Variants in GRIK4 observed in about 807,000 individuals in gnomAD.
The protein encoded by GRIK4 is glutamate ionotropic receptor kainate type subunit 4, also known as glutamate receptor ionotropic, kainate 4.
In GRIK4, 40 loss-of-function variants were observed where a neutral mutation model predicts 104.9. The ratio of observed to expected loss-of-function variants is 0.38; its 90% CI spans 0.30 to 0.50. The LOEUF is 0.50. GRIK4 is among the 20% of genes least tolerant of loss of function. The pLI is 0.93. For missense variants in GRIK4, 1,047 were observed against 1,308.1 expected (o/e 0.80, Z 3.08); for synonymous variants, 485 against 524.9 (o/e 0.92, Z 1.04).
chr11:120,896,014 T>A (rs7109441), intron 11 of GRIK4, among the ~76,000 whole-genome samples: 8,793 of 152,198 alleles, frequency 0.058, 845 homozygotes, highest in African/African-American at 0.2. Context: ...CCTTCCGCCC[T>A]AGCCTCACCA....
chr11:120,546,007 C>T (rs1181397374), intron 1 of GRIK4, among the ~76,000 whole-genome samples: 1 of 152,124 alleles, frequency 6.6e-6, no homozygotes, highest in Non-Finnish European at 1.5e-5. Context: ...TGGTGCCCCT[C>T]GGTGTGGCTG....
chr11:120,649,271 T>C (rs1243379445), intron 1 of GRIK4, among the ~76,000 whole-genome samples: 1 of 151,744 alleles, frequency 6.6e-6, no homozygotes, highest in East Asian at 1.9e-4. Context: ...CATCCAGAGA[T>C]AGCTCCTTTC....
chr11:120,621,806 C>T (rs1254153101), intron 1 of GRIK4, among the ~76,000 whole-genome samples: 4 of 152,140 alleles, frequency 2.6e-5, no homozygotes, highest in South Asian at 2.1e-4. Flanking sequence ...TCAGCTGCAG[C>T]GGCAGTACAA....
intron 1 of GRIK4, among the ~76,000 whole-genome samples, chr11:120,574,406 C>T (rs1233857265): frequency 2.0e-5 from 3 of 152,190 alleles, no homozygotes; most frequent in Non-Finnish European, 4.4e-5. Flanking sequence ...CGTATATGGT[C>T]TCTTAAATTC....
chr11:120,534,117 C>T (rs939581690), intron 1 of GRIK4, among the ~76,000 whole-genome samples: 11 of 151,946 alleles, frequency 7.2e-5, no homozygotes, highest in African/African-American at 2.7e-4. Flanking sequence ...AGTGTGGGCC[C>T]AGAAGCACAA....
At chr11:120,543,117 G>A (rs927281432) in intron 1 of GRIK4, among the ~76,000 whole-genome samples, 1 of 152,224 alleles carries the variant, frequency 6.6e-6, no homozygotes, top group Non-Finnish European at 1.5e-5. Context: ...ATGGAAAACA[G>A]TATGGGGTGG....
At chr11:120,588,068 T>TG (rs1948690698) in intron 1 of GRIK4, among the ~76,000 whole-genome samples, 1 of 152,086 alleles carries the variant, frequency 6.6e-6, no homozygotes, top group Admixed American at 6.6e-5. Flanking sequence ...ACACACTGAC[T>TG]GGGGGTGGGC....
chr11:120,932,157 ATT>A (rs56886847), intron 13 of GRIK4, among the ~76,000 whole-genome samples: 43,896 of 137,916 alleles, frequency 0.32, 6,570 homozygotes, highest in African/African-American at 0.36. Context: ...CAATTTTACA[ATT>A]TTTTTTTTTT....
rs77264831 is a variant in GRIK4 at position 120,906,554 on chromosome 11, A to G, written c.1476+1061A>G. On this transcript the variant is annotated intron_variant, in intron 13 of 20. Coordinates refer to ENST00000527524, the MANE Select transcript of GRIK4 (RefSeq NM_014619.5). ...TGAGGCAGGGCTCAGATTGGAACCC[A>G]GATCTTTTTCTTTATTGAATTAATA... 2.1e-3 allele frequency among the ~76,000 whole-genome samples: 325 copies of G among 152,362 alleles called. 2 individuals are homozygous for G. Among genetic ancestry groups the G allele is most frequent in the African/African-American group, 7.7e-3 (321 of 41,586 alleles).
rs887500788 is a variant in GRIK4, at chr11:120,855,581, G to A, written c.745-6378G>A. On this transcript the variant is annotated intron_variant, in intron 8 of 20. Transcript: ENST00000527524. ...TATGGTGACTTTTTTTTTTTTTTTCGAGACAGAGTCTCTGTTGCCCAGGCT... is the reference window on the plus strand; with the variant it reads ...TATGGTGACTTTTTTTTTTTTTTTCAAGACAGAGTCTCTGTTGCCCAGGCT... 4.8e-5 allele frequency among the ~76,000 whole-genome samples: 6 copies of A among 124,682 alleles called. No homozygotes were observed. In the East Asian group the frequency reaches 9.8e-4, roughly 20 times the overall value. 81.8% of individuals were successfully genotyped at this position (124,682 alleles called of 152,430 possible).
At chr11:120,882,237 G>A (rs1565414087) in intron 11 of GRIK4, among the ~76,000 whole-genome samples, 1 of 152,202 alleles carries the variant, frequency 6.6e-6, no homozygotes, top group African/African-American at 2.4e-5. Context: ...ACAGGTTGAG[G>A]GGGGTGGGAG....
chr11:120,704,167 G>T (rs1950594354), intron 3 of GRIK4, among the ~76,000 whole-genome samples: 2 of 152,172 alleles, frequency 1.3e-5, no homozygotes, highest in Non-Finnish European at 2.9e-5. Context: ...TTTGCACAGT[G>T]CCTGGCACAT....
At chr11:120,982,684 T>C (rs561942195) in intron 20 of GRIK4, among the ~76,000 whole-genome samples, 2 of 152,346 alleles carry the variant, frequency 1.3e-5, no homozygotes, top group Non-Finnish European at 2.9e-5. Context: ...ACTATGCCAC[T>C]CTTCTTCCAA....
At chr11:120,624,147 A>T (rs905707439) in intron 1 of GRIK4, among the ~76,000 whole-genome samples, 14 of 152,200 alleles carry the variant, frequency 9.2e-5, no homozygotes, top group Non-Finnish European at 1.6e-4. Context: ...TAGTGTTTTT[A>T]AGTGATTAAA....
chr11:120,732,409 G>C (rs1479991345), intron 3 of GRIK4, among the ~76,000 whole-genome samples: 1 of 152,198 alleles, frequency 6.6e-6, no homozygotes, highest in African/African-American at 2.4e-5. Flanking sequence ...GGGATTACAG[G>C]TGTGAGCCAC....
intron 3 of GRIK4, among the ~76,000 whole-genome samples, chr11:120,705,648 ATGTCTTTTCATTTAATTGAGTCGTC>A (rs1950618636): frequency 6.6e-6 from 1 of 152,188 alleles, no homozygotes; most frequent in South Asian, 2.1e-4. Flanking sequence ...TGAAAACGAA[ATGTCTTTTCATTTAATTGAGTCGTC>A]TTTAATTTCT....
chr11:120,804,300 G>A (rs915316873), intron 4 of GRIK4, among the ~76,000 whole-genome samples: 2 of 152,212 alleles, frequency 1.3e-5, no homozygotes, highest in Non-Finnish European at 2.9e-5. Context: ...TCTTCCATCT[G>A]AGGATCCAGC....
chr11:120,772,122 G>T (rs1951955485), intron 3 of GRIK4, among the ~76,000 whole-genome samples: 1 of 152,234 alleles, frequency 6.6e-6, no homozygotes, highest in Admixed American at 6.5e-5. Context: ...GCCCCAGTGT[G>T]TCTAGAAGGC....
chr11:120,601,561 G>C (rs1302721753), intron 1 of GRIK4, among the ~76,000 whole-genome samples: 2 of 151,720 alleles, frequency 1.3e-5, no homozygotes, highest in African/African-American at 2.4e-5. Flanking sequence ...GCGCAAAATT[G>C]AGGAGGGGAG....
Sources: gnomAD v4.1 joint callset for allele counts (sites outside exome capture counted in the v4.1 genomes callset) on GRCh38, gnomAD v4.1.1 for gene constraint, MANE v1.5 for transcripts, NCBI Gene and HGNC (gene_info 2026-07-23, HGNC 2026-07-21) for gene names.